Variants in DAP3 observed in about 807,000 individuals in gnomAD.
DAP3 encodes death associated protein 3.
In DAP3, 28 loss-of-function variants were observed where a neutral mutation model predicts 51.9. The ratio of observed to expected loss-of-function variants is 0.54; its 90% CI spans 0.40 to 0.74. The LOEUF (loss-of-function observed/expected upper bound fraction) is 0.74. DAP3 is among the 30% of genes least tolerant of loss of function. The pLI is 0.00. For missense variants in DAP3, 458 were observed against 483.5 expected, an observed-to-expected ratio of 0.95 and a Z score of 0.49; for synonymous variants, 170 against 170.3, an observed-to-expected ratio of 1.00 and a Z score of 0.01.
chr1:155,700,408 T>C (rs1655037039), intron 1 of DAP3, among the ~76,000 whole-genome samples: 1 of 152,260 alleles, frequency 6.6e-6, no homozygotes, highest in Non-Finnish European at 1.5e-5. Flanking sequence ...TCTCCATTTT[T>C]AGTTTTTTTG....
At chr1:155,697,407 A>G (rs995999943) in intron 1 of DAP3, among the ~76,000 whole-genome samples, 4 of 152,174 alleles carry the variant, frequency 2.6e-5, no homozygotes, top group Non-Finnish European at 5.9e-5. Flanking sequence ...ATATTTCAAC[A>G]TAGGTTCTAT....
chr1:155,702,773 A>G (rs1655471253), intron 1 of DAP3, among the ~76,000 whole-genome samples: 1 of 152,194 alleles, frequency 6.6e-6, no homozygotes, highest in Admixed American at 6.5e-5. Context: ...GGTGAAGACC[A>G]GCCTGGCCAA....
At chr1:155,709,309 C>G (rs147470683) in intron 1 of DAP3, among the ~76,000 whole-genome samples, 421 of 152,222 alleles carry the variant, frequency 2.8e-3, no homozygotes, top group African/African-American at 9.9e-3. Context: ...CCATGCCCTG[C>G]TAATTTTTAT....
chr1:155,738,235 A>T lies in DAP3; in HGVS notation c.1190A>T (p.Tyr397Phe), dbSNP rs1423798192. The T allele has an allele frequency of 1.9e-6, 3 of 1,614,076 alleles. No individual in the cohort carries two copies. ...NPSLLERHCAYL is the reference protein window; with the variant it reads ...NPSLLERHCAFL ...TCGCTGCTGGAGCGGCACTGTGCCT[A>T]CCTCTAAGCCAAGATCACAGCATGT... The change falls in exon 13 of 13, where the codon TAC (tyrosine) becomes TTC (phenylalanine). Residue 397 changes from tyrosine to phenylalanine, a missense_variant. Transcript: ENST00000368336.
At chr1:155,723,620 C>T (rs948784776) in intron 4 of DAP3, among the ~76,000 whole-genome samples, 1 of 152,208 alleles carries the variant, frequency 6.6e-6, no homozygotes, top group Admixed American at 6.5e-5. Context: ...TGAGCCACCA[C>T]GCCCAGCCAA....
Position 155,692,032 on chromosome 1 carries a change from C to T in DAP3, c.-8+2858C>T, listed in dbSNP as rs141295367. On this transcript the variant is annotated intron_variant, in intron 1 of 12. Transcript: ENST00000368336. ...AGATCTAAGAAGCAGATGTTCAGGG[C>T]GAAACAGTCAAAGGGAAGCAGTACG... 6.8e-4 allele frequency among the ~76,000 whole-genome samples: 96 copies of T among 141,538 alleles called. 2 individuals carry two copies. Among genetic ancestry groups the T allele is most frequent in the Non-Finnish European group, 8.7e-4 (59 of 68,014 alleles). 92.9% of individuals were successfully genotyped at this position (141,538 alleles called of 152,430 possible).
At chr1:155,725,018 A>G (rs1395421720) in intron 4 of DAP3, among the ~76,000 whole-genome samples, 1 of 152,198 alleles carries the variant, frequency 6.6e-6, no homozygotes, top group Non-Finnish European at 1.5e-5. Context: ...CTTGTGTCAG[A>G]AATTTTAAGC....
chr1:155,688,307 G>T, upstream of DAP3: 1 of 1,565,074 alleles, frequency 6.4e-7, no homozygotes, highest in South Asian at 1.2e-5. Context: ...CCCTCGCAAA[G>T]CGAACCCAAA....
chr1:155,729,307 G>C lies in DAP3; in HGVS notation c.784G>C (p.Val262Leu). The C allele has an allele frequency of 6.2e-7, 1 of 1,614,130 alleles. No homozygotes were observed. Among genetic ancestry groups the C allele is most frequent in the Non-Finnish European group, 8.5e-7 (1 of 1,180,026 alleles). Residue 262 changes from valine to leucine, a missense_variant, in exon 9 of 13, where the codon GTG becomes CTG. Transcript: ENST00000368336. ...SLGMFHLLVA[V>L]DGINALWGRT... ...GGGTATGTTTCACCTCCTAGTGGCC[G>C]TGGATGGAATCAATGCTCTTTGGGG...
chr1:155,691,743 C>T (rs1037307140), intron 1 of DAP3, among the ~76,000 whole-genome samples: 1 of 141,980 alleles, frequency 7.0e-6, no homozygotes, highest in Non-Finnish European at 1.5e-5. Context: ...CTATCCAACA[C>T]ATGTTATTAT....
intron 3 of DAP3, among the ~76,000 whole-genome samples, chr1:155,719,351 T>C (rs981315918): frequency 2.0e-5 from 3 of 150,752 alleles, no homozygotes; most frequent in African/African-American, 7.4e-5. Context: ...TTTTCCTGTC[T>C]CAGCCTCCCA....
upstream of DAP3, chr1:155,688,456 T>A: frequency 6.5e-7 from 1 of 1,549,318 alleles, no homozygotes; most frequent in Admixed American, 2.0e-5. Context: ...TTCGCCCGAC[T>A]CCGGCCATGT....
intron 1 of DAP3, among the ~76,000 whole-genome samples, chr1:155,694,446 T>C (rs906098458): frequency 7.1e-6 from 1 of 141,676 alleles, no homozygotes; most frequent in Admixed American, 6.6e-5. Context: ...ACCACCATGG[T>C]AATTACCGCA....
chr1:155,733,010 C>T (rs768999885), intron 11 of DAP3, among the ~76,000 whole-genome samples: 2 of 152,092 alleles, frequency 1.3e-5, no homozygotes, highest in African/African-American at 2.4e-5. Flanking sequence ...GGTGACAGAG[C>T]GAGACTCCGT....
intron 1 of DAP3, among the ~76,000 whole-genome samples, chr1:155,699,060 T>C (rs1311180853): frequency 1.3e-5 from 2 of 152,074 alleles, no homozygotes; most frequent in African/African-American, 4.8e-5. Flanking sequence ...AGGTTAAGAG[T>C]TCATAAAGGT....
chr1:155,688,711 C>T, upstream of DAP3: 1 of 1,519,644 alleles, frequency 6.6e-7, no homozygotes, highest in Middle Eastern at 1.9e-4. Flanking sequence ...TCCTCCCCCT[C>T]CCTCCCCGCC....
chr1:155,699,088 T>C (rs1400818580), intron 1 of DAP3, among the ~76,000 whole-genome samples: 1 of 152,156 alleles, frequency 6.6e-6, no homozygotes, highest in African/African-American at 2.4e-5. Flanking sequence ...AGGGGGCCAG[T>C]TGCAAAATGG....
chr1:155,721,392 G>A (rs374831644), intron 3 of DAP3, 125 bp from the exon 4 acceptor site: 2 of 421,912 alleles, frequency 4.7e-6, no homozygotes, highest in Admixed American at 3.9e-5. Flanking sequence ...ATATATATAT[G>A]TATGTATGTA....
intron 3 of DAP3, among the ~76,000 whole-genome samples, chr1:155,719,179 C>T (rs9427222): frequency 0.063 from 9,515 of 151,352 alleles, 1,060 homozygotes; most frequent in African/African-American, 0.22. Context: ...ATCACTTGAG[C>T]TTAGGAGTTC....
Sources: gnomAD v4.1 joint callset for allele counts (sites outside exome capture counted in the v4.1 genomes callset) on GRCh38, gnomAD v4.1.1 for gene constraint, MANE v1.5 for transcripts, NCBI Gene and HGNC (gene_info 2026-07-23, HGNC 2026-07-21) for gene names.